The following GH1 variants were observed in gnomAD, a reference collection of about 807,000 sequenced individuals.
GH1 encodes the protein growth hormone 1.
A neutral mutation model predicts 24.5 loss-of-function variants in GH1; 13 were observed. The ratio of observed to expected loss-of-function variants is 0.53; its 90% CI spans 0.35 to 0.85. GH1 has a LOEUF of 0.85. Among genes scored for constraint, GH1 ranks in the 40% least tolerant of loss-of-function variants. GH1 has a pLI of 0.01. For missense variants in GH1, 294 were observed against 273.2 expected (o/e 1.08, Z -0.54); for synonymous variants, 126 against 116.3 (o/e 1.08, Z -0.54).
In GH1 at chr17:63,918,836, C is replaced by G. The variant is rs6175; in HGVS notation, c.-60G>C. 0.016 allele frequency: 26,049 copies of G among 1,611,500 alleles called. 1,421 individuals are homozygous for G. The African/African-American group carries it at 0.18, about 11-fold the overall frequency. On this transcript the variant is annotated 5_prime_UTR_variant, in exon 1 of 5. Transcript: ENST00000323322. ...GGTTCGGGGAGTTGGGCCTTGGGAT[C>G]CTTGAGCTGGTCTCTTGTGGGCCCT...
At chr17:63,918,716 G>A in intron 1 of GH1, 51 bp downstream of exon 1, 1 of 1,613,434 alleles carries the variant, frequency 6.2e-7, no homozygotes, top group Non-Finnish European at 8.5e-7. Flanking sequence ...ACAGGTCGCT[G>A]CCTCTCCCCT....
chr17:63,918,393 G>T lies in GH1; in HGVS notation c.124C>A (p.Arg42Ser). The change falls in exon 2 of 5, where the codon CGC (arginine) becomes AGC (serine). Residue 42 changes from arginine to serine, a missense_variant. Coordinates refer to ENST00000323322, the MANE Select transcript of GH1 (RefSeq NM_000515.5). ...GCCAGCTGGTGCAGACGATGGGCGC[G>T]GAGCATAGCGTTGTCAAAAAGCCTG... ...LSRLFDNAML[R>S]AHRLHQLAFD... is the part of the protein sequence containing the mutation. The T allele has an allele frequency of 6.2e-7, 1 of 1,614,140 alleles. No individual in the cohort carries two copies. The highest frequency in any genetic ancestry group is 1.6e-4 in the Middle Eastern group (1 of 6,062).
In GH1 at chr17:63,918,798, C is replaced by T; in HGVS notation, c.-22G>A. ...CCATTGCAGCTAGGTGAGCTGTCCA[C>T]AGGACCCTGAGTGGTTCGGGGAGTT... On this transcript the variant is annotated 5_prime_UTR_variant, in exon 1 of 5. It adds an upstream start codon to the 5' untranslated region. Coordinates refer to ENST00000323322, the MANE Select transcript of GH1 (RefSeq NM_000515.5). 1 of 1,613,986 alleles carries T rather than the reference C, an allele frequency of 6.2e-7. No individual in the cohort carries two copies. The highest frequency in any genetic ancestry group is 8.5e-7 in the Non-Finnish European group (1 of 1,179,872).
rs41295033 is a variant in GH1 at position 63,918,320 on chromosome 17, T to A, written c.171+26A>T. ...AGTCACCCCTTCCTGCCACCCCTGA[T>A]GCGCACCCATTCCCCAAGAGCTTAC... is the stretch of plus-strand genomic sequence containing the variant. On this transcript the variant is annotated intron_variant, in intron 2 of 4. Transcript: ENST00000323322. 4,449 of 1,613,914 alleles carry A rather than the reference T, an allele frequency of 2.8e-3. 11 individuals are homozygous for A. The highest frequency in any genetic ancestry group is 3.5e-3 in the Non-Finnish European group (4,138 of 1,179,776).
rs1907465430 is a variant in GH1 at position 63,918,005 on chromosome 17, G to C, written c.291+12C>G. On this transcript the variant is annotated intron_variant, in intron 3 of 4. Coordinates refer to ENST00000323322, the MANE Select transcript of GH1 (RefSeq NM_000515.5). ...TCCCCCATCCCCGCCTGGGGAGAAG[G>C]CATCCACTCACGGATTTCTGTTGTG... The C allele has an allele frequency of 1.2e-6, 2 of 1,614,056 alleles. No individual in the cohort carries two copies. The highest frequency in any genetic ancestry group is 2.2e-5 in the South Asian group (2 of 91,082).
chr17:63,917,497 C>A lies in GH1; in HGVS notation c.466G>T (p.Asp156Tyr), dbSNP rs770336766. 46 of 1,613,828 alleles carry A rather than the reference C, an allele frequency of 2.9e-5. No homozygotes were observed. In the South Asian group the frequency reaches 4.6e-4, roughly 16 times the overall value. Residue 156 changes from aspartate to tyrosine, a missense_variant, in exon 5 of 5, where the codon GAT (aspartate) becomes TAT (tyrosine). Transcript: ENST00000323322. The stretch of plus-strand genomic sequence containing the variant: ...ATCTGCCCAGTCCGGGGGCTGCCAT[C>A]TTCCAGCCTCTGCAAAGTGAAGGAA... ...GIQTLMGRLE[D>Y]GSPRTGQIFK...
At position 63,918,496 on chromosome 17, in the gene GH1, C is replaced by A. The variant is rs61762496; in HGVS notation, c.21G>T (p.Thr7=). 3.1e-6 allele frequency: 5 copies of A among 1,613,988 alleles called. No homozygotes were observed. The highest frequency in any genetic ancestry group is 1.3e-5 in the African/African-American group (1 of 74,918). The stretch of plus-strand genomic sequence containing the variant: ...GCAGGCCAAAAGCCAGGAGCAGGGA[C>A]GTCCGGGAGCCTGGGGAGAAACCAG... The part of the protein sequence containing the change: MATGSR[T]SLLLAFGLLC... The change falls in exon 2 of 5, where the codon ACG becomes ACT. Residue 7 remains threonine, a synonymous_variant. Transcript: ENST00000323322.
rs71640280 is a variant in GH1, at chr17:63,917,591, CT to C, written c.457-86del. ...TCATTCATTCATTTTCCTCCCTCCC[CT>C]TCAGGGTGTAGAGAAAGGCCTGGAG... On this transcript the variant is annotated intron_variant, in intron 4 of 4. Transcript: ENST00000323322. 4.2e-4 allele frequency: 673 copies of C among 1,613,946 alleles called. 2 individuals are homozygous for C. In the African/African-American group the frequency reaches 7.6e-3, roughly 18 times the overall value.
At chr17:63,918,245 G>C in intron 2 of GH1, 101 bp downstream of exon 2, 3 of 1,611,584 alleles carry the variant, frequency 1.9e-6, no homozygotes, top group Non-Finnish European at 1.7e-6. Flanking sequence ...TTCGCTTCGG[G>C]AAAAACCCTG....
At position 63,917,254 on chromosome 17, in the gene GH1, C is replaced by T. The variant is rs761040508; in HGVS notation, c.*55G>A. 1.2e-6 allele frequency: 2 copies of T among 1,613,586 alleles called. No homozygotes were observed. The highest frequency in any genetic ancestry group is 2.2e-5 in the South Asian group (2 of 91,066). Reference sequence around the variant, plus strand: ...AGGCTGGTGGGCACTGGAGTGGCAACTTCCAGGGCCAGGAGAGGCACTGGG... The same window carrying T: ...AGGCTGGTGGGCACTGGAGTGGCAATTTCCAGGGCCAGGAGAGGCACTGGG... On this transcript the variant is annotated 3_prime_UTR_variant, in exon 5 of 5. Transcript: ENST00000323322.
rs753006438 is a variant in GH1, at chr17:63,917,253, A to C, written c.*56T>G. 1.1e-5 allele frequency: 17 copies of C among 1,613,236 alleles called. 1 individual carries two copies. The highest frequency in any genetic ancestry group is 8.8e-5 in the South Asian group (8 of 91,058). On this transcript the variant is annotated 3_prime_UTR_variant, in exon 5 of 5. Transcript: ENST00000323322. ...AAGGCTGGTGGGCACTGGAGTGGCA[A>C]CTTCCAGGGCCAGGAGAGGCACTGG...
chr17:63,918,103 A>T lies in GH1; in HGVS notation c.205T>A (p.Ser69Thr). The T allele has an allele frequency of 6.2e-7, 1 of 1,614,162 alleles. No individual in the cohort carries two copies. The highest frequency in any genetic ancestry group is 8.5e-7 in the Non-Finnish European group (1 of 1,180,024). The change falls in exon 3 of 5, where the codon TCA becomes ACA. Residue 69 changes from serine to threonine, a missense_variant. Coordinates refer to ENST00000323322, the MANE Select transcript of GH1 (RefSeq NM_000515.5). ...EAYIPKEQKY[S>T]FLQNPQTSLC... is the part of the protein sequence containing the mutation. ...GAGGTCTGGGGGTTCTGCAGGAATG[A>T]ATACTTCTGTTCCTTTGGGATATAG...
intron 2 of GH1, 80 bp from the exon 3 acceptor site, chr17:63,918,216 G>A (rs190839307): frequency 1.9e-4 from 305 of 1,612,522 alleles, no homozygotes; most frequent in Middle Eastern, 3.3e-4. Context: ...CACTCAGCGT[G>A]TGCTCATCTG....
rs775540749 is a variant in GH1, at chr17:63,917,813, T to C, written c.403A>G (p.Asn135Asp). 1 of 1,614,152 alleles carries C rather than the reference T, an allele frequency of 6.2e-7. No individual in the cohort carries two copies. Among genetic ancestry groups the C allele is most frequent in the East Asian group, 2.2e-5 (1 of 44,874 alleles). Residue 135 changes from asparagine to aspartate, a missense_variant, in exon 4 of 5, where the codon AAC becomes GAC. Transcript: ENST00000323322. ...AGGTCCTTTAGGAGGTCATAGACGTTGCTGTCAGAGGCGCCGTACACCAGG... is the reference window on the plus strand; with the variant it reads ...AGGTCCTTTAGGAGGTCATAGACGTCGCTGTCAGAGGCGCCGTACACCAGG... ...NSLVYGASDS[N>D]VYDLLKDLEE...
Position 63,918,059 on chromosome 17 carries a change from A to G in GH1, c.249T>C (p.Ser83=). 6.2e-7 allele frequency: 1 copy of G among 1,614,180 alleles called. No individual in the cohort carries two copies. ...NPQTSLCFSE[S]IPTPSNREET... is the part of the protein sequence containing the mutation. ...CCTCCCTGTTGGAGGGTGTCGGAAT[A>G]GACTCTGAGAAACAGAGGGAGGTCT... The change falls in exon 3 of 5, where the codon TCT becomes TCC. Residue 83 remains serine, a synonymous_variant. Coordinates refer to ENST00000323322, the MANE Select transcript of GH1 (RefSeq NM_000515.5).
Position 63,918,255 on chromosome 17 carries a change from G to A in GH1, c.171+91C>T, listed in dbSNP as rs1324359483. On this transcript the variant is annotated intron_variant, in intron 2 of 4. Transcript: ENST00000323322. ...GCATTTTCGCTTCGGGAAAAACCCT[G>A]AGCTCCTTAGTCTCCTCCTCTTATT... 8.7e-6 allele frequency: 14 copies of A among 1,610,052 alleles called. No individual in the cohort carries two copies. In the Middle Eastern group the frequency reaches 5.0e-4, roughly 57 times the overall value.
At position 63,917,992 on chromosome 17, in the gene GH1, G is replaced by C. The variant is rs374293003; in HGVS notation, c.291+25C>G. On this transcript the variant is annotated intron_variant, in intron 3 of 4. Coordinates refer to ENST00000323322, the MANE Select transcript of GH1 (RefSeq NM_000515.5). ...CTGACTACAGGTCTCCCCCATCCCC[G>C]CCTGGGGAGAAGGCATCCACTCACG... 6.2e-6 allele frequency: 10 copies of C among 1,614,170 alleles called. No homozygotes were observed. The Middle Eastern group carries it at 4.9e-4, about 80-fold the overall frequency.
At chr17:63,917,735 T>C in intron 4 of GH1, 25 bp downstream of exon 4, 5 of 1,614,154 alleles carry the variant, frequency 3.1e-6, no homozygotes, top group Non-Finnish European at 4.2e-6. Flanking sequence ...GCTCCAGGAT[T>C]GGGGACCCCT....
At position 63,918,735 on chromosome 17, in the gene GH1, A is replaced by G. The variant is rs9282698; in HGVS notation, c.10+32T>C. 877 of 1,613,656 alleles carry G rather than the reference A, an allele frequency of 5.4e-4. 3 individuals carry two copies. The highest frequency in any genetic ancestry group is 1.5e-3 in the Middle Eastern group (9 of 5,940). Reference sequence around the variant, plus strand: ...GTCGCTGCCTCTCCCCTCAGGACACATTGTGCCCAAAGGGATTTTAGGGGC... The same window carrying G: ...GTCGCTGCCTCTCCCCTCAGGACACGTTGTGCCCAAAGGGATTTTAGGGGC... On this transcript the variant is annotated intron_variant, in intron 1 of 4. Transcript: ENST00000323322.
Sources: gnomAD v4.1 joint callset for allele counts on GRCh38, gnomAD v4.1.1 for gene constraint, MANE v1.5 for transcripts, NCBI Gene and HGNC (gene_info 2026-07-23, HGNC 2026-07-21) for gene names.